Variants in CLEC12A observed in about 807,000 individuals in gnomAD.
CLEC12A encodes the protein C-type lectin protein CLL-1.
In CLEC12A, 22 loss-of-function variants were observed where a neutral mutation model predicts 26.5. The observed-to-expected ratio is 0.83, with a 90% confidence interval of 0.59 to 1.19. The LOEUF (loss-of-function observed/expected upper bound fraction) is 1.19. CLEC12A is among the 50% of genes most tolerant of loss of function. The pLI is 0.00. For missense variants in CLEC12A, 353 were observed against 315.6 expected (o/e 1.12, Z -0.90); for synonymous variants, 119 against 101.9 (o/e 1.17, Z -1.01).
At chr12:9,959,438 G>A (rs543159412) in intron 1 of CLEC12A, among the ~76,000 whole-genome samples, 2 of 139,230 alleles carry the variant, frequency 1.4e-5, no homozygotes, top group East Asian at 2.1e-4. Context: ...GGAGAGAAGA[G>A]CGAAACTCTG....
chr12:9,993,010 A>G, intron 4 of CLEC12A: 2 of 798,290 alleles, frequency 2.5e-6, no homozygotes, highest in Non-Finnish European at 4.0e-6. Flanking sequence ...TTCTGATAGG[A>G]AAGATAATAT....
downstream of CLEC12A, chr12:9,999,028 C>A (rs560677886): frequency 2.6e-6 from 4 of 1,531,552 alleles, no homozygotes; most frequent in East Asian, 9.1e-5. Flanking sequence ...TGGCTCTGAG[C>A]ATTCTTACCG....
At chr12:9,995,599 T>C (rs1865024329) in exon 5 of CLEC12A, 1 of 342,322 alleles carries the variant, frequency 2.9e-6, no homozygotes, top group African/African-American at 2.2e-5. Flanking sequence ...TACAAAGAAA[T>C]ACATTGTTGA....
chr12:9,983,434 T>C (rs1864639693), intron 5 of CLEC12A: 1 of 667,856 alleles, frequency 1.5e-6, no homozygotes, highest in Admixed American at 2.3e-5. Context: ...TTATACGTTG[T>C]ATTTGTTCTG....
chr12:9,995,272 T>A, exon 5 of CLEC12A: 1 of 1,570,302 alleles, frequency 6.4e-7, no homozygotes, highest in Admixed American at 1.7e-5. Context: ...ATAAACACAA[T>A]GGTCAGAATC....
chr12:9,957,108 CAA>C (rs1307775600), intron 1 of CLEC12A, among the ~76,000 whole-genome samples: 1 of 152,118 alleles, frequency 6.6e-6, no homozygotes, highest in African/African-American at 2.4e-5. Context: ...GCCTGAAACA[CAA>C]GTCTGTGCCT....
upstream of CLEC12A, chr12:9,971,371 C>T (rs1193772296): frequency 3.5e-6 from 4 of 1,128,512 alleles, no homozygotes; most frequent in Non-Finnish European, 1.1e-6. Context: ...TCTGTTGCAA[C>T]AGTTCAATGT....
upstream of CLEC12A, among the ~76,000 whole-genome samples, chr12:9,966,935 T>C (rs974637610): frequency 3.6e-5 from 5 of 140,816 alleles, no homozygotes; most frequent in Admixed American, 3.7e-4. Flanking sequence ...CGCTATCTGA[T>C]TTGGGATAAA....
At chr12:9,993,789 TTGTC>T (rs1864958555) in intron 4 of CLEC12A, among the ~76,000 whole-genome samples, 1 of 152,132 alleles carries the variant, frequency 6.6e-6, no homozygotes, top group Admixed American at 6.6e-5. Flanking sequence ...TGTATTGTAA[TTGTC>T]TGTTAAGTTA....
intron 1 of CLEC12A, among the ~76,000 whole-genome samples, chr12:9,953,566 G>A (rs1490750419): frequency 2.1e-5 from 3 of 140,168 alleles, no homozygotes; most frequent in Non-Finnish European, 3.1e-5. Context: ...CTGGCCAGCC[G>A]CCCCGTCCGG....
the CLEC12A span, among the ~76,000 whole-genome samples, chr12:10,002,033 C>A: frequency 6.6e-6 from 1 of 151,970 alleles, no homozygotes; most frequent in Non-Finnish European, 1.5e-5. Context: ...GCGCCCACCA[C>A]CACGCCTGGC....
intron 1 of CLEC12A, among the ~76,000 whole-genome samples, chr12:9,960,605 T>C (rs748630167): frequency 3.3e-5 from 5 of 152,228 alleles, no homozygotes. Flanking sequence ...GAAGGATCAA[T>C]GACCAGATTC....
chr12:10,003,276 T>C, the CLEC12A span, among the ~76,000 whole-genome samples: 4 of 152,190 alleles, frequency 2.6e-5, no homozygotes, highest in African/African-American at 9.7e-5. Flanking sequence ...AACATGTGGA[T>C]TTCAAAGTGA....
At chr12:9,993,188 C>T (rs772928618) in intron 4 of CLEC12A, 6 of 1,612,494 alleles carry the variant, frequency 3.7e-6, no homozygotes, top group Non-Finnish European at 5.1e-6. Flanking sequence ...TCCTCTCACA[C>T]ATTAAATAAT....
chr12:9,983,780 A>C lies in CLEC12A; in HGVS notation c.642-1090A>C. ...TCTTTCACATAGAAATAGTAAGTGT[A>C]GGAGTGTGGGTCAGAAAGAAAAGGT... is the stretch of plus-strand genomic sequence containing the variant. On this transcript the variant is annotated intron_variant, in intron 5 of 5. Coordinates refer to ENST00000304361, the MANE Select transcript of CLEC12A (RefSeq NM_138337.6). 9.9e-6 allele frequency: 4 copies of C among 404,958 alleles called. No homozygotes were observed. The South Asian group carries it at 1.6e-4, about 17-fold the overall frequency. 25.1% of individuals were successfully genotyped at this position (404,958 alleles called of 1,614,324 possible). A position where few individuals can be genotyped will look rare whatever the true frequency, so the allele number is the denominator to read the frequency against.
chr12:9,961,791 A>T (rs544068734), intron 1 of CLEC12A, among the ~76,000 whole-genome samples: 2 of 152,350 alleles, frequency 1.3e-5, no homozygotes, highest in Admixed American at 1.3e-4. Flanking sequence ...GCCAAATGAT[A>T]AAAACTGGCC....
chr12:9,965,927 A>G (rs568799), intron 1 of CLEC12A, among the ~76,000 whole-genome samples: 140,143 of 151,934 alleles, frequency 0.92, 65,003 homozygotes, highest in East Asian at 0.99. Flanking sequence ...TAAGGTGGGG[A>G]GATACAAGGG....
Position 9,985,042 on chromosome 12 carries a change from C to A in CLEC12A, c.*16C>A. The A allele has an allele frequency of 1.3e-6, 2 of 1,490,410 alleles. No homozygotes were observed. Among genetic ancestry groups the A allele is most frequent in the South Asian group, 1.4e-5 (1 of 71,956 alleles). The allele number at this position is 1,490,410 out of a possible 1,614,324, so 92.3% of individuals were successfully genotyped here. A position where few individuals can be genotyped will look rare whatever the true frequency, so the allele number is the denominator to read the frequency against. On this transcript the variant is annotated 3_prime_UTR_variant, in exon 6 of 6. Transcript: ENST00000304361. Reference sequence around the variant, plus strand: ...GGAGGCATGAGGCATCAATCAAATACATTTAAGGAGTGTAGGGGGTGGGGG... The same window carrying A: ...GGAGGCATGAGGCATCAATCAAATAAATTTAAGGAGTGTAGGGGGTGGGGG...
At chr12:9,979,588 A>G (rs1864472377) in intron 3 of CLEC12A, 64 bp downstream of exon 3, 1 of 1,255,450 alleles carries the variant, frequency 8.0e-7, no homozygotes, top group Admixed American at 2.4e-5. Context: ...GTCTCTTAAG[A>G]ATCATTTTAT....
Sources: gnomAD v4.1 joint callset for allele counts (sites outside exome capture counted in the v4.1 genomes callset) on GRCh38, gnomAD v4.1.1 for gene constraint, MANE v1.5 for transcripts, NCBI Gene and HGNC (gene_info 2026-07-23, HGNC 2026-07-21) for gene names.